Variants in KBTBD11 observed in about 807,000 individuals in gnomAD.
KBTBD11 encodes kelch repeat and BTB domain-containing protein 11.
For synonymous variants in KBTBD11, 747 were observed against 499.0 expected (o/e 1.50, Z -6.63); for missense variants, 1,390 against 1,001.8 (o/e 1.39, Z -5.23).
In KBTBD11 at chr8:2,002,428, T is replaced by C; in HGVS notation, c.1236T>C (p.Gly412=). 2.7e-6 allele frequency: 4 copies of C among 1,492,850 alleles called. No individual in the cohort carries two copies. The highest frequency in any genetic ancestry group is 3.5e-6 in the Non-Finnish European group (4 of 1,128,368). The allele number at this position is 1,492,850 out of a possible 1,614,324, so 92.5% of individuals were successfully genotyped here. ...AGCTGCGGCTGCTGGCCCTGGACGG[T>C]CACCTCTACGCCGTGGGCGGCGAGT... ...RSQLRLLALD[G]HLYAVGGECL... Residue 412 remains glycine, a synonymous_variant, in exon 2 of 2, where the codon GGT becomes GGC. Coordinates refer to ENST00000320248, the MANE Select transcript of KBTBD11 (RefSeq NM_014867.3). This position sits in a 1 kb window ranked among gnomAD's most constrained non-coding sequence, Gnocchi z 4.1.
chr8:1,989,506 G>A (rs2129312135), intron 1 of KBTBD11, among the ~76,000 whole-genome samples: 1 of 152,280 alleles, frequency 6.6e-6, no homozygotes, highest in African/African-American at 2.4e-5. Context: ...CCATGCAGGT[G>A]TATCGTCGTG....
At position 2,002,287 on chromosome 8, in the gene KBTBD11, C is replaced by T; in HGVS notation, c.1095C>T (p.Gly365=). ...TCTACAACTACCTCTTCGTGGCGGG[C>T]GGCGTGGCGCCCGCGGGCCCCGACG... ...CVLYNYLFVA[G]GVAPAGPDGR... is the part of the protein sequence containing the mutation. Residue 365 remains glycine (G), a synonymous_variant, in exon 2 of 2, where the codon GGC becomes GGT. Transcript: ENST00000320248. This position sits in a 1 kb window ranked among gnomAD's most constrained non-coding sequence, Gnocchi z 4.1. 2 of 1,281,152 alleles carry T rather than the reference C, an allele frequency of 1.6e-6. No individual in the cohort carries two copies. The highest frequency in any genetic ancestry group is 9.9e-7 in the Non-Finnish European group (1 of 1,010,284). 79.4% of individuals were successfully genotyped at this position (1,281,152 alleles called of 1,614,324 possible).
chr8:1,985,858 C>T (rs182445999), intron 1 of KBTBD11, among the ~76,000 whole-genome samples: 9 of 152,102 alleles, frequency 5.9e-5, no homozygotes, highest in Admixed American at 1.3e-4. Context: ...TTTAGTGAGA[C>T]GTTAAAAGAG....
At chr8:1,989,923 GTTTTT>G (rs5888896) in intron 1 of KBTBD11, among the ~76,000 whole-genome samples, 21 of 71,712 alleles carry the variant, frequency 2.9e-4, no homozygotes, top group African/African-American at 1.2e-3. Context: ...GTCTCAGGTG[GTTTTT>G]TTTTTTTTTT....
At chr8:1,990,357 C>T (rs1324648360) in intron 1 of KBTBD11, among the ~76,000 whole-genome samples, 2 of 134,896 alleles carry the variant, frequency 1.5e-5, no homozygotes, top group African/African-American at 5.7e-5. Context: ...GGCCTTGGCG[C>T]CCTGTCCGGG....
chr8:1,986,971 A>C (rs947180728), intron 1 of KBTBD11, among the ~76,000 whole-genome samples: 1 of 145,700 alleles, frequency 6.9e-6, no homozygotes, highest in Non-Finnish European at 1.5e-5. Flanking sequence ...CCAGGAGTTG[A>C]AGACAGCCTG....
intron 1 of KBTBD11, among the ~76,000 whole-genome samples, chr8:1,980,252 G>GTTTTTTT: frequency 7.4e-6 from 1 of 136,048 alleles, no homozygotes. Context: ...TTTTGAGATG[G>GTTTTTTT]GGTCTTGCTC....
intron 1 of KBTBD11, among the ~76,000 whole-genome samples, chr8:1,979,244 G>C (rs12679898): frequency 5.3e-5 from 8 of 152,096 alleles, no homozygotes; most frequent in African/African-American, 1.9e-4. Flanking sequence ...CCTTTTTAAG[G>C]CTTTGACTGA....
intron 1 of KBTBD11, among the ~76,000 whole-genome samples, chr8:1,990,341 A>ATGC (rs1816867633): frequency 1.6e-5 from 2 of 128,366 alleles, no homozygotes; most frequent in Admixed American, 8.2e-5. Flanking sequence ...GTCTGGGTAG[A>ATGC]TGCTGGGCCT....
Position 2,003,417 on chromosome 8 carries a change from C to G in KBTBD11, c.*353C>G, listed in dbSNP as rs547861126. 32 of 218,802 alleles carry G rather than the reference C, an allele frequency of 1.5e-4. No individual in the cohort carries two copies. In the South Asian group the frequency reaches 2.1e-3, roughly 14 times the overall value. 13.6% of individuals were successfully genotyped at this position (218,802 alleles called of 1,614,324 possible). ...GGGTGTCCCGAACCCCGCAGAGCAC[C>G]GAGGCTGTGCGCAGGAGCCTGGGAC... On this transcript the variant is annotated 3_prime_UTR_variant, in exon 2 of 2. Transcript: ENST00000320248.
In KBTBD11 at chr8:1,983,856, G is replaced by A. The variant is rs1467733341; in HGVS notation, c.-909+9921G>A. On this transcript the variant is annotated intron_variant, in intron 1 of 1. Transcript: ENST00000320248. ...GAAAAAGTCACACATGGGGCTGGGC[G>A]TGGTGGCTTACGCCTGTAATCCCAG... Among the ~76,000 whole-genome samples the A allele has an allele frequency of 4.6e-5, 7 of 152,262 alleles. No individual in the cohort carries two copies. In the East Asian group the frequency reaches 5.8e-4, roughly 13 times the overall value.
Position 2,001,694 on chromosome 8 carries a change from C to G in KBTBD11, c.502C>G (p.Arg168Gly). ...GGCGCGCAGCGACTACTTCCGCGCG[C>G]GCGCGTCGCGGGACGTGCTGCGGGT... ...LAARSDYFRA[R>G]ASRDVLRVQG... Residue 168 changes from arginine (R) to glycine (G), a missense_variant, in exon 2 of 2, where the codon CGC becomes GGC. Arg to Gly is a moderately radical substitution (Grantham distance 125). Transcript: ENST00000320248. 7.0e-7 allele frequency: 1 copy of G among 1,435,036 alleles called. No homozygotes were observed. Among genetic ancestry groups the G allele is most frequent in the Non-Finnish European group, 9.1e-7 (1 of 1,099,226 alleles). The allele number at this position is 1,435,036 out of a possible 1,614,324, so 88.9% of individuals were successfully genotyped here.
chr8:1,976,772 CAG>C (rs1440497962), intron 1 of KBTBD11, among the ~76,000 whole-genome samples: 1 of 152,142 alleles, frequency 6.6e-6, no homozygotes, highest in Non-Finnish European at 1.5e-5. Context: ...ATGCACGTAA[CAG>C]AGGAATGTTA....
intron 1 of KBTBD11, among the ~76,000 whole-genome samples, chr8:1,996,084 T>C (rs1817125697): frequency 6.6e-6 from 1 of 152,200 alleles, no homozygotes; most frequent in Non-Finnish European, 1.5e-5. Flanking sequence ...CTATAATTTT[T>C]CTTAGACTTA....
intron 1 of KBTBD11, among the ~76,000 whole-genome samples, chr8:1,998,778 T>G (rs1046145687): frequency 2.1e-5 from 3 of 142,202 alleles, no homozygotes; most frequent in African/African-American, 3.0e-5. Context: ...AGATTTGCTC[T>G]CTCTCTCCTT....
In KBTBD11 at chr8:2,001,863, C is replaced by T; in HGVS notation, c.671C>T (p.Thr224Ile). 1 of 1,302,518 alleles carries T rather than the reference C, an allele frequency of 7.7e-7. No individual in the cohort carries two copies. The allele number at this position is 1,302,518 out of a possible 1,614,324, so 80.7% of individuals were successfully genotyped here. The change falls in exon 2 of 2, where the codon ACC becomes ATC. Residue 224 changes from threonine (T) to isoleucine (I), a missense_variant. Coordinates refer to ENST00000320248, the MANE Select transcript of KBTBD11 (RefSeq NM_014867.3). The part of the protein sequence containing the change: ...LQLPGAAQRA[T>I]DAVGPQLSLA... Reference sequence around the variant, plus strand: ...CTGCCCGGCGCCGCGCAGCGCGCCACCGACGCCGTGGGGCCGCAGCTGAGC... The same window carrying T: ...CTGCCCGGCGCCGCGCAGCGCGCCATCGACGCCGTGGGGCCGCAGCTGAGC...
intron 1 of KBTBD11, among the ~76,000 whole-genome samples, chr8:1,996,394 G>A (rs1171106527): frequency 2.6e-5 from 4 of 152,146 alleles, no homozygotes; most frequent in Non-Finnish European, 5.9e-5. Context: ...AGCTTTCTGA[G>A]TAGCTGAGAT....
chr8:2,003,358 T>A lies in KBTBD11; in HGVS notation c.*294T>A, dbSNP rs1817471362. On this transcript the variant is annotated 3_prime_UTR_variant, in exon 2 of 2. Transcript: ENST00000320248. ...CCAAAGGGTCAGCCTCAGGGTACAGTGGGGGTTCCTGAGGCAGCCTGCAGC... is the reference window on the plus strand; with the variant it reads ...CCAAAGGGTCAGCCTCAGGGTACAGAGGGGGTTCCTGAGGCAGCCTGCAGC... 6.4e-6 allele frequency: 2 copies of A among 314,104 alleles called. No homozygotes were observed. The highest frequency in any genetic ancestry group is 5.4e-5 in the Admixed American group (1 of 18,638). The allele number at this position is 314,104 out of a possible 1,614,324, so 19.5% of individuals were successfully genotyped here. A position where few individuals can be genotyped will look rare whatever the true frequency, so the allele number is the denominator to read the frequency against.
chr8:1,978,450 G>A (rs1325349494), intron 1 of KBTBD11, among the ~76,000 whole-genome samples: 1 of 152,194 alleles, frequency 6.6e-6, no homozygotes, highest in Non-Finnish European at 1.5e-5. Context: ...CGCAGCAGGG[G>A]CCCCTCGGGG....
Sources: gnomAD v4.1 joint callset for allele counts (sites outside exome capture counted in the v4.1 genomes callset) on GRCh38, gnomAD v4.1.1 for gene constraint, Gnocchi (gnomAD v3.1) non-coding constraint, MANE v1.5 for transcripts, NCBI Gene and HGNC (gene_info 2026-07-23, HGNC 2026-07-21) for gene names.